The following HERC1 variants were observed in gnomAD, a reference collection of about 807,000 sequenced individuals.
The protein encoded by HERC1 is probable E3 ubiquitin-protein ligase HERC1.
In HERC1, 160 loss-of-function variants were observed where a neutral mutation model predicts 554.3. The ratio of observed to expected loss-of-function variants is 0.29; its 90% CI spans 0.25 to 0.33. The LOEUF (loss-of-function observed/expected upper bound fraction) is 0.33, where lower values mean the gene tolerates loss of function less well. Ranked by LOEUF, HERC1 falls within the 10% of genes least tolerant of loss-of-function variation. The pLI, the probability that HERC1 is intolerant of heterozygous loss-of-function variation, is 1.00. For missense variants in HERC1, 4,919 were observed against 5,918.5 expected (o/e 0.83, Z 5.54); for synonymous variants, 2,175 against 2,131.7 (o/e 1.02, Z -0.56).
Position 63,649,959 on chromosome 15 carries a change from T to G in HERC1, c.10547-34A>C, listed in dbSNP as rs115118101. The G allele has an allele frequency of 2.4e-3, 3,474 of 1,475,164 alleles. 71 individuals are homozygous for G. In the African/African-American group the frequency reaches 0.043, roughly 18 times the overall value. 91.4% of individuals were successfully genotyped at this position (1,475,164 alleles called of 1,614,324 possible). On this transcript the variant is annotated intron_variant, in intron 53 of 77. Coordinates refer to ENST00000443617, the MANE Select transcript of HERC1 (RefSeq NM_003922.4). ...GAAAAAATGTTAACTAGTTTTTACT[T>G]AATTCTTAAAAAGAAAAAAAGGAAC...
At chr15:63,661,308 T>C (rs910991121) in intron 45 of HERC1, among the ~76,000 whole-genome samples, 4 of 152,224 alleles carry the variant, frequency 2.6e-5, no homozygotes, top group African/African-American at 9.6e-5. Context: ...AAGATTTTAA[T>C]AGTTGACAAT....
At chr15:63,786,276 T>TAAAAAAA (rs375937848) in intron 1 of HERC1, among the ~76,000 whole-genome samples, 1 of 126,280 alleles carries the variant, frequency 7.9e-6, no homozygotes, top group African/African-American at 3.0e-5. Context: ...ATGTTTCTAT[T>TAAAAAAA]AAAAAAAAAA....
intron 1 of HERC1, among the ~76,000 whole-genome samples, chr15:63,777,945 T>C (rs927420467): frequency 3.9e-5 from 6 of 152,232 alleles, no homozygotes; most frequent in Non-Finnish European, 7.3e-5. Flanking sequence ...ATTTTATTGT[T>C]TCCAGGTAGA....
At chr15:63,706,517 A>G (rs2073013703) in intron 25 of HERC1, among the ~76,000 whole-genome samples, 1 of 152,180 alleles carries the variant, frequency 6.6e-6, no homozygotes, top group Non-Finnish European at 1.5e-5. Context: ...GTCAAAATAC[A>G]TGACAAATGA....
intron 16 of HERC1, 90 bp downstream of exon 16, chr15:63,729,146 A>T (rs1261423299): frequency 6.8e-6 from 8 of 1,179,044 alleles, no homozygotes; most frequent in African/African-American, 3.1e-5. Flanking sequence ...TTCCTATTCC[A>T]GAGGCTTCTG....
intron 22 of HERC1, among the ~76,000 whole-genome samples, chr15:63,714,652 G>T (rs1461199693): frequency 6.8e-6 from 1 of 146,652 alleles, no homozygotes; most frequent in African/African-American, 2.5e-5. Flanking sequence ...AGGTTCAAGC[G>T]ATTCTCCTGC....
At chr15:63,799,288 CCCAGGAGTTTGAGACCAG>C (rs1159056988) in intron 1 of HERC1, among the ~76,000 whole-genome samples, 1 of 151,976 alleles carries the variant, frequency 6.6e-6, no homozygotes, top group African/African-American at 2.4e-5. Flanking sequence ...ATCAGTTGAG[CCCAGGAGTTTGAGACCAG>C]CCTGGGAAAT....
intron 1 of HERC1, among the ~76,000 whole-genome samples, chr15:63,786,863 C>T (rs530496240): frequency 1.3e-4 from 19 of 151,714 alleles, no homozygotes; most frequent in Non-Finnish European, 2.6e-4. Flanking sequence ...GCCACTAAAT[C>T]GCTCACTTTA....
chr15:63,645,441 A>G (rs1483245484), intron 56 of HERC1, 42 bp downstream of exon 56: 2 of 1,437,044 alleles, frequency 1.4e-6, no homozygotes, highest in Admixed American at 2.0e-5. Flanking sequence ...AGTCTATACC[A>G]ATATAAAAAC....
Position 63,645,640 on chromosome 15 carries a change from G to C in HERC1, c.10921C>G (p.Leu3641Val). Residue 3641 changes from leucine (L) to valine (V), a missense_variant, in exon 56 of 78, where the codon CTT becomes GTT. Around this residue, in one of 11 missense-constraint regions of HERC1, gnomAD observed 1,963 missense variants for 2,228.6 expected, o/e 0.88. Transcript: ENST00000443617. ...SMKWDPTGHILMTCAKEDSVK... is the reference protein window; with the variant it reads ...SMKWDPTGHIVMTCAKEDSVK... ...CTGTCTTCTTTGGCACATGTCATAAGAATATGACCTGTAGGGTCCCACTTC... is the reference window on the plus strand; with the variant it reads ...CTGTCTTCTTTGGCACATGTCATAACAATATGACCTGTAGGGTCCCACTTC... 1 of 1,609,480 alleles carries C rather than the reference G, an allele frequency of 6.2e-7. No individual in the cohort carries two copies. The highest frequency in any genetic ancestry group is 2.2e-5 in the East Asian group (1 of 44,754).
chr15:63,791,463 A>G (rs558044982), intron 1 of HERC1, among the ~76,000 whole-genome samples: 1 of 152,352 alleles, frequency 6.6e-6, no homozygotes, highest in South Asian at 2.1e-4. Context: ...TTTGCCAAAC[A>G]TAAGGGATGA....
chr15:63,826,784 TAAAAAAAAA>T lies in HERC1; in HGVS notation c.-27+7034_-27+7042del, dbSNP rs71456333. Among the ~76,000 whole-genome samples the T allele has an allele frequency of 3.0e-3, 110 of 36,944 alleles. 1 individual carries two copies. The highest frequency in any genetic ancestry group is 8.2e-3 in the South Asian group (6 of 728). 24.2% of individuals were successfully genotyped at this position (36,944 alleles called of 152,430 possible). On this transcript the variant is annotated intron_variant, in intron 1 of 77. Coordinates refer to ENST00000443617, the MANE Select transcript of HERC1 (RefSeq NM_003922.4). ...TATTCTTTTAATCACTTATCTCTGG[TAAAAAAAAA>T]AAAAAAAAAAAAAAAAAAAAAATAT...
chr15:63,667,684 G>C (rs1302937213), intron 40 of HERC1, among the ~76,000 whole-genome samples: 1 of 152,112 alleles, frequency 6.6e-6, no homozygotes, highest in Non-Finnish European at 1.5e-5. Flanking sequence ...CATATGAAGT[G>C]GTACAATATC....
At chr15:63,796,043 ATTTC>A (rs1245222440) in intron 1 of HERC1, among the ~76,000 whole-genome samples, 1 of 152,248 alleles carries the variant, frequency 6.6e-6, no homozygotes, top group African/African-American at 2.4e-5. Context: ...AAGTACATTG[ATTTC>A]TTTATCACAG....
At chr15:63,641,354 A>G in intron 60 of HERC1, 116 bp downstream of exon 60, 1 of 804,074 alleles carries the variant, frequency 1.2e-6, no homozygotes, top group Non-Finnish European at 1.8e-6. Context: ...TTCTGCCCAA[A>G]TAGCCCCACT....
intron 24 of HERC1, 67 bp from the exon 25 acceptor site, chr15:63,706,898 T>TA (rs2073037028): frequency 2.0e-6 from 2 of 998,352 alleles, no homozygotes; most frequent in African/African-American, 3.3e-5. Flanking sequence ...TAAGATTTAA[T>TA]AGAGTATTAG....
intron 1 of HERC1, among the ~76,000 whole-genome samples, chr15:63,824,121 A>T (rs2077799691): frequency 6.6e-6 from 1 of 151,772 alleles, no homozygotes; most frequent in Non-Finnish European, 1.5e-5. Flanking sequence ...GATGGCAATT[A>T]TCAAAGAGAC....
In HERC1 at chr15:63,663,181, C is replaced by T. The variant is rs1277728138; in HGVS notation, c.8704G>A (p.Ala2902Thr). The change falls in exon 44 of 78, where the codon GCC (alanine) becomes ACC (threonine). Residue 2902 changes from alanine to threonine, a missense_variant. By Grantham distance (58) the Ala-to-Thr change is moderately conservative. Transcript: ENST00000443617. ...TCTCTCCGACTTTGATTCCTGTGGGCCTGCACAGAGCGGTATAATCCCGCT... is the reference window on the plus strand; with the variant it reads ...TCTCTCCGACTTTGATTCCTGTGGGTCTGCACAGAGCGGTATAATCCCGCT... Reference protein sequence around the residue: ...RAAGLYRSVQAHRNQSRREGI... With the variant: ...RAAGLYRSVQTHRNQSRREGI... 2.5e-6 allele frequency: 4 copies of T among 1,613,858 alleles called. No individual in the cohort carries two copies. Among genetic ancestry groups the T allele is most frequent in the Non-Finnish European group, 3.4e-6 (4 of 1,179,870 alleles).
intron 32 of HERC1, among the ~76,000 whole-genome samples, chr15:63,690,169 A>AG (rs2072025321): frequency 6.7e-6 from 1 of 150,156 alleles, no homozygotes; most frequent in African/African-American, 2.4e-5. Context: ...TCCATCTCAA[A>AG]AAAAAAAAAA....
Sources: allele counts gnomAD v4.1 joint callset (sites outside exome capture counted in the v4.1 genomes callset), GRCh38; gene constraint gnomAD v4.1.1; regional missense constraint gnomAD v4.1.1; transcripts MANE v1.5; gene names NCBI Gene and HGNC (gene_info 2026-07-23, HGNC 2026-07-21).